The following SUSD1 variants were observed in gnomAD, a reference collection of about 807,000 sequenced individuals.
The protein encoded by SUSD1 is sushi domain-containing protein 1.
In SUSD1, 65 loss-of-function variants were observed where a neutral mutation model predicts 86.9. The observed-to-expected ratio is 0.75, with a 90% CI of 0.61 to 0.92. The LOEUF (loss-of-function observed/expected upper bound fraction) is 0.92, where lower values mean the gene tolerates loss of function less well. Among genes scored for constraint, SUSD1 ranks in the 40% least tolerant of loss-of-function variants. The probability of loss-of-function intolerance (pLI) is 0.00; values close to 1 mark genes in which losing one functional copy is unlikely to be tolerated. For missense variants in SUSD1, 850 were observed against 929.7 expected (o/e 0.91, Z 1.11); for synonymous variants, 346 against 350.0 (o/e 0.99, Z 0.13).
At chr9:112,048,140 A>G (rs761900542) in intron 15 of SUSD1, among the ~76,000 whole-genome samples, 13 of 152,070 alleles carry the variant, frequency 8.5e-5, no homozygotes, top group Non-Finnish European at 1.8e-4. Context: ...AACTTCCCCT[A>G]TCTCTGACCT....
chr9:112,174,003 C>T, intron 1 of SUSD1: 1 of 177,340 alleles, frequency 5.6e-6, no homozygotes. Flanking sequence ...TCCCGAAGCG[C>T]CTAGAACTGG....
intron 15 of SUSD1, among the ~76,000 whole-genome samples, chr9:112,049,268 A>C (rs1044951912): frequency 8.5e-5 from 13 of 152,208 alleles, no homozygotes; most frequent in Non-Finnish European, 7.3e-5. Context: ...CATGCTTACG[A>C]CTGGAGAATG....
intron 5 of SUSD1, among the ~76,000 whole-genome samples, chr9:112,139,214 A>G (rs1373051289): frequency 6.6e-6 from 1 of 152,198 alleles, no homozygotes; most frequent in South Asian, 2.1e-4. Context: ...AAATTTTTAC[A>G]TTCTTTTTTT....
intron 12 of SUSD1, among the ~76,000 whole-genome samples, chr9:112,072,167 T>TC (rs1829311529): frequency 6.7e-6 from 1 of 149,122 alleles, no homozygotes; most frequent in East Asian, 1.9e-4. Flanking sequence ...GTTTTTTTTT[T>TC]TGAGACGGAG....
chr9:112,174,607 T>C (rs1202447720), intron 1 of SUSD1, among the ~76,000 whole-genome samples: 2 of 152,124 alleles, frequency 1.3e-5, no homozygotes, highest in Non-Finnish European at 2.9e-5. Flanking sequence ...ATGAGTGAAT[T>C]AATGGCTTCA....
intron 16 of SUSD1, 102 bp downstream of exon 16, chr9:112,041,765 C>CTGTG (rs1827748632): frequency 8.6e-7 from 1 of 1,166,848 alleles, no homozygotes; most frequent in Middle Eastern, 2.7e-4. Flanking sequence ...CAACCTCCAC[C>CTGTG]CACACTCCCT....
chr9:112,059,513 C>T (rs1828617019), intron 13 of SUSD1, among the ~76,000 whole-genome samples: 1 of 152,180 alleles, frequency 6.6e-6, no homozygotes, highest in African/African-American at 2.4e-5. Context: ...CCCTACAGTT[C>T]ATGGGCTGAT....
intron 6 of SUSD1, among the ~76,000 whole-genome samples, chr9:112,115,632 C>G (rs951856052): frequency 2.0e-5 from 3 of 151,828 alleles, no homozygotes; most frequent in Admixed American, 2.0e-4. Context: ...CATGGTGAAA[C>G]CGCATCTCTA....
At chr9:112,147,403 G>A (rs1028103511) in intron 3 of SUSD1, among the ~76,000 whole-genome samples, 11 of 152,146 alleles carry the variant, frequency 7.2e-5, no homozygotes, top group African/African-American at 2.4e-4. Flanking sequence ...CTACTCAGGA[G>A]GCTGAGACAG....
In SUSD1 at chr9:112,113,421, T is replaced by C. The variant is rs1237598876; in HGVS notation, c.887-553A>G. On this transcript the variant is annotated intron_variant, in intron 6 of 16. Coordinates refer to ENST00000374270, the MANE Select transcript of SUSD1 (RefSeq NM_022486.5). This position sits in a 1 kb window ranked among gnomAD's most constrained non-coding sequence, Gnocchi z 4.1. ...CTGGGACTCCTGTAACTGAAGCTAT[T>C]TAATCCTGGTCTATCAGGATGCCAC... is the stretch of plus-strand genomic sequence containing the variant. Among the ~76,000 whole-genome samples, 1 of 152,212 alleles carries C rather than the reference T, an allele frequency of 6.6e-6. No homozygotes were observed. Among genetic ancestry groups the C allele is most frequent in the Non-Finnish European group, 1.5e-5 (1 of 68,034 alleles).
At chr9:112,172,637 T>C (rs761176605) in intron 1 of SUSD1, among the ~76,000 whole-genome samples, 3 of 152,218 alleles carry the variant, frequency 2.0e-5, no homozygotes, top group African/African-American at 4.8e-5. Context: ...TAGAAACATA[T>C]ACCAAGTCAC....
In SUSD1 at chr9:112,138,238, T is replaced by TATATATATATGTATATACAC. The variant is rs1469323385; in HGVS notation, c.706+4081_706+4082insGTGTATATACATATATATAT. On this transcript the variant is annotated intron_variant, in intron 5 of 16. Transcript: ENST00000374270. ...GACTCCATCTCAAAAAAAAAATGTGTATATATATATATATATATGTGTATA... is the reference window on the plus strand; with the variant it reads ...GACTCCATCTCAAAAAAAAAATGTGTATATATATATGTATATACACATATATATATATATATATGTGTATA... 1.9e-4 allele frequency among the ~76,000 whole-genome samples: 7 copies of TATATATATATGTATATACAC among 37,006 alleles called. 2 individuals are homozygous for TATATATATATGTATATACAC. The highest frequency in any genetic ancestry group is 9.2e-4 in the African/African-American group (6 of 6,536). The allele number at this position is 37,006 out of a possible 152,430, so 24.3% of individuals were successfully genotyped here. A position where few individuals can be genotyped will look rare whatever the true frequency, so the allele number is the denominator to read the frequency against.
At chr9:112,098,327 C>T in intron 10 of SUSD1, 143 bp downstream of exon 10, 1 of 780,466 alleles carries the variant, frequency 1.3e-6, no homozygotes, top group South Asian at 1.9e-5. Flanking sequence ...CATCCTGAAC[C>T]CCAGACGCAG....
chr9:112,098,015 A>G (rs865901184), intron 10 of SUSD1, among the ~76,000 whole-genome samples: 35 of 152,324 alleles, frequency 2.3e-4, no homozygotes, highest in African/African-American at 6.3e-4. Flanking sequence ...GACCTTAATC[A>G]GGCCTCTGTT....
intron 10 of SUSD1, among the ~76,000 whole-genome samples, chr9:112,086,405 G>A (rs966062899): frequency 6.6e-5 from 10 of 151,768 alleles, no homozygotes; most frequent in African/African-American, 2.2e-4. Context: ...AAGAGTGAGG[G>A]GTGATAGAAG....
At position 112,073,517 on chromosome 9, in the gene SUSD1, A is replaced by T. The variant is rs1293139659; in HGVS notation, c.1753+5021T>A. 6.7e-5 allele frequency among the ~76,000 whole-genome samples: 3 copies of T among 44,674 alleles called. No individual in the cohort carries two copies. The East Asian group carries it at 2.4e-3, about 36-fold the overall frequency. 29.3% of individuals were successfully genotyped at this position (44,674 alleles called of 152,430 possible). On this transcript the variant is annotated intron_variant, in intron 12 of 16. Transcript: ENST00000374270. ...CCCCACCCCGCCCCCACCCACCCCC[A>T]TCCTCCTCTCTCTGGTTTCCTCTTT... is the stretch of plus-strand genomic sequence containing the variant.
chr9:112,130,747 G>T (rs578055845), intron 5 of SUSD1, among the ~76,000 whole-genome samples: 2 of 151,928 alleles, frequency 1.3e-5, no homozygotes, highest in African/African-American at 4.8e-5. Context: ...AAAGTAGCCA[G>T]GCAAGGTGGC....
At chr9:112,115,826 A>G (rs1295809871) in intron 6 of SUSD1, among the ~76,000 whole-genome samples, 1 of 88,506 alleles carries the variant, frequency 1.1e-5, no homozygotes, top group African/African-American at 7.3e-5. Flanking sequence ...AAAAAAAAGA[A>G]AAAAAAAAGA....
intron 5 of SUSD1, among the ~76,000 whole-genome samples, chr9:112,127,696 G>C (rs1489398247): frequency 6.6e-6 from 1 of 152,058 alleles, no homozygotes; most frequent in African/African-American, 2.4e-5. Flanking sequence ...GAGCCAATAG[G>C]CAAAAAATAA....
Sources: allele counts gnomAD v4.1 joint callset (sites outside exome capture counted in the v4.1 genomes callset), GRCh38; gene constraint gnomAD v4.1.1; non-coding constraint Gnocchi (gnomAD v3.1); transcripts MANE v1.5; gene names NCBI Gene and HGNC (gene_info 2026-07-23, HGNC 2026-07-21).